Variants in FARS2 observed in about 807,000 individuals in gnomAD.
FARS2 encodes the protein phenylalanyl-tRNA synthetase 2, mitochondrial.
A neutral mutation model predicts 46.4 loss-of-function variants in FARS2; 40 were observed. The ratio of observed to expected loss-of-function variants is 0.86; its 90% CI spans 0.67 to 1.12. FARS2 has a LOEUF of 1.12. Ranked by LOEUF, FARS2 falls within the 50% of genes most tolerant of loss-of-function variation. FARS2 has a pLI of 0.00. For missense variants in FARS2, 513 were observed against 567.9 expected (o/e 0.90, Z 0.98); for synonymous variants, 234 against 214.9 (o/e 1.09, Z -0.78).
intron 4 of FARS2, among the ~76,000 whole-genome samples, chr6:5,469,339 C>T (rs1371469258): frequency 6.6e-6 from 1 of 152,248 alleles, no homozygotes; most frequent in African/African-American, 2.4e-5. Flanking sequence ...CGGCCTGTCT[C>T]CCATTGTGCG....
chr6:5,496,638 C>A (rs1480786037), intron 4 of FARS2, among the ~76,000 whole-genome samples: 1 of 152,150 alleles, frequency 6.6e-6, no homozygotes, highest in Non-Finnish European at 1.5e-5. Context: ...TGTGTCCTCA[C>A]ATGGTCTTTC....
intron 1 of FARS2, among the ~76,000 whole-genome samples, chr6:5,366,643 T>C (rs1052819102): frequency 2.6e-5 from 4 of 152,078 alleles, no homozygotes; most frequent in Non-Finnish European, 5.9e-5. Flanking sequence ...TCCCTGGGAA[T>C]GGAACCCAAG....
intron 4 of FARS2, among the ~76,000 whole-genome samples, chr6:5,541,683 T>A (rs974503769): frequency 2.0e-5 from 3 of 152,100 alleles, no homozygotes; most frequent in African/African-American, 7.2e-5. Flanking sequence ...CCCAAGAGAG[T>A]GTTCTTGGAT....
intron 6 of FARS2, among the ~76,000 whole-genome samples, chr6:5,683,267 T>G (rs1261221785): frequency 6.6e-6 from 1 of 152,128 alleles, no homozygotes; most frequent in East Asian, 1.9e-4. Context: ...GAAGGCAGAA[T>G]GCACAGGGCA....
chr6:5,288,000 C>A (rs1259315587), intron 1 of FARS2, among the ~76,000 whole-genome samples: 1 of 152,118 alleles, frequency 6.6e-6, no homozygotes, highest in Non-Finnish European at 1.5e-5. Context: ...TTCTCTTTTC[C>A]TCTCCCTTCT....
At chr6:5,572,106 A>C (rs957993205) in intron 5 of FARS2, among the ~76,000 whole-genome samples, 3 of 152,196 alleles carry the variant, frequency 2.0e-5, no homozygotes, top group Admixed American at 2.0e-4. Context: ...TTGCATTGCT[A>C]TAAAGAAATA....
chr6:5,299,758 C>A (rs112235099), intron 1 of FARS2, among the ~76,000 whole-genome samples: 3,715 of 122,844 alleles, frequency 0.03, 169 homozygotes, highest in African/African-American at 0.1. Flanking sequence ...TTGTTCATTT[C>A]CCACCTATGA....
In FARS2 at chr6:5,752,281, C is replaced by T. The variant is rs111365235; in HGVS notation, c.1218-19010C>T. 9.2e-5 allele frequency among the ~76,000 whole-genome samples: 14 copies of T among 152,222 alleles called. 2 individuals carry two copies. The highest frequency in any genetic ancestry group is 1.9e-4 in the East Asian group (1 of 5,186). On this transcript the variant is annotated intron_variant, in intron 6 of 6. Coordinates refer to ENST00000274680, the MANE Select transcript of FARS2 (RefSeq NM_006567.5). ...GGTTCTGGTGGATGTTGTCTAATTG[C>T]GGTCTGTTAGATTTTAATTACTCAT...
rs149290651 is a variant in FARS2 at position 5,647,285 on chromosome 6, C to G, written c.1217+33965C>G. On this transcript the variant is annotated intron_variant, in intron 6 of 6. Transcript: ENST00000274680. ...CCAATGTCTTCTTCATCTCTGTTCC[C>G]TTAGTGTAGTTTGGCACATACCAGA... Among the ~76,000 whole-genome samples the G allele has an allele frequency of 5.2e-3, 784 of 152,216 alleles. 6 individuals are homozygous for G. Among genetic ancestry groups the G allele is most frequent in the African/African-American group, 0.018 (748 of 41,520 alleles).
intron 1 of FARS2, among the ~76,000 whole-genome samples, chr6:5,325,917 A>G (rs887669383): frequency 6.6e-6 from 1 of 152,210 alleles, no homozygotes; most frequent in Non-Finnish European, 1.5e-5. Flanking sequence ...ATATGAAAGC[A>G]TACATTTTTA....
intron 1 of FARS2, among the ~76,000 whole-genome samples, chr6:5,295,590 T>C (rs1315689602): frequency 1.3e-5 from 2 of 152,236 alleles, no homozygotes; most frequent in Non-Finnish European, 2.9e-5. Flanking sequence ...GGGGACTTTC[T>C]TCTCTCTTCT....
chr6:5,687,579 C>G (rs11966167), intron 6 of FARS2, among the ~76,000 whole-genome samples: 84 of 152,240 alleles, frequency 5.5e-4, no homozygotes, highest in African/African-American at 1.9e-3. Context: ...GGTACCAATA[C>G]CATGCTGTTT....
intron 2 of FARS2, among the ~76,000 whole-genome samples, chr6:5,379,379 T>TG (rs1759604019): frequency 6.6e-6 from 1 of 152,206 alleles, no homozygotes; most frequent in South Asian, 2.1e-4. Flanking sequence ...CACAGTAACT[T>TG]GATCAAGGAA....
At chr6:5,460,233 C>G (rs1765168161) in intron 4 of FARS2, among the ~76,000 whole-genome samples, 1 of 152,208 alleles carries the variant, frequency 6.6e-6, no homozygotes, top group African/African-American at 2.4e-5. Context: ...AACTGACTCT[C>G]AATACATTCA....
At chr6:5,461,586 G>A (rs541006734) in intron 4 of FARS2, among the ~76,000 whole-genome samples, 1 of 152,014 alleles carries the variant, frequency 6.6e-6, no homozygotes, top group Non-Finnish European at 1.5e-5. Flanking sequence ...TGAGAGGGGG[G>A]TCTCACTGCT....
intron 4 of FARS2, among the ~76,000 whole-genome samples, chr6:5,534,859 G>GCA (rs750304235): frequency 0.032 from 4,725 of 149,952 alleles, 210 homozygotes; most frequent in African/African-American, 0.096. Flanking sequence ...ACTTGCACGC[G>GCA]CACACACACA....
intron 5 of FARS2, among the ~76,000 whole-genome samples, chr6:5,562,507 T>G (rs75948546): frequency 0.011 from 1,647 of 152,278 alleles, 29 homozygotes; most frequent in African/African-American, 0.037. Context: ...ATAATCTCCT[T>G]AACATTCAGG....
chr6:5,417,339 C>T (rs1399317798), intron 3 of FARS2, among the ~76,000 whole-genome samples: 1 of 152,010 alleles, frequency 6.6e-6, no homozygotes, highest in Non-Finnish European at 1.5e-5. Flanking sequence ...ACTTCAGCCT[C>T]CTGAGGAGCT....
chr6:5,612,378 T>C (rs1775236739), intron 5 of FARS2, among the ~76,000 whole-genome samples: 1 of 152,222 alleles, frequency 6.6e-6, no homozygotes, highest in Non-Finnish European at 1.5e-5. Flanking sequence ...GTAACAAAAC[T>C]TTTTTTATTG....
Sources: gnomAD v4.1 joint callset for allele counts (sites outside exome capture counted in the v4.1 genomes callset) on GRCh38, gnomAD v4.1.1 for gene constraint, MANE v1.5 for transcripts, NCBI Gene and HGNC (gene_info 2026-07-23, HGNC 2026-07-21) for gene names.